Variants in RAB38 observed in about 807,000 individuals in gnomAD.
RAB38 encodes ras-related protein Rab-38.
RAB38 carries 15 observed loss-of-function variants against 18.4 expected under a neutral mutation model. That is an observed-to-expected ratio of 0.82 (90% CI 0.55 to 1.26). The LOEUF (loss-of-function observed/expected upper bound fraction) is 1.26, where lower values mean the gene tolerates loss of function less well. RAB38 is among the 50% of genes most tolerant of loss of function. RAB38 has a pLI of 0.00. For missense variants in RAB38, 294 were observed against 267.4 expected (o/e 1.10, Z -0.69); for synonymous variants, 101 against 104.4 (o/e 0.97, Z 0.20).
the RAB38 span, among the ~76,000 whole-genome samples, chr11:87,897,650 A>T: frequency 1.3e-5 from 2 of 151,636 alleles, no homozygotes; most frequent in Non-Finnish European, 3.0e-5. Context: ...TTTAAAAAAC[A>T]CCAGCCCATA....
At chr11:88,047,279 G>C in the RAB38 span, among the ~76,000 whole-genome samples, 1 of 152,042 alleles carries the variant, frequency 6.6e-6, no homozygotes, top group East Asian at 1.9e-4. Flanking sequence ...TACCACACCT[G>C]ACTCCCATGA....
chr11:88,060,563 G>A, the RAB38 span, among the ~76,000 whole-genome samples: 1 of 152,162 alleles, frequency 6.6e-6, no homozygotes, highest in African/African-American at 2.4e-5. Context: ...AGATCATAAA[G>A]CAAGTGAACA....
the RAB38 span, chr11:88,099,935 C>T: frequency 2.0e-5 from 3 of 151,690 alleles, no homozygotes; most frequent in Non-Finnish European, 4.4e-5. Flanking sequence ...TCTCATTTAA[C>T]CTGTTTAGGA....
the RAB38 span, among the ~76,000 whole-genome samples, chr11:87,834,569 G>A: frequency 6.6e-6 from 1 of 152,172 alleles, no homozygotes; most frequent in Non-Finnish European, 1.5e-5. Flanking sequence ...AAGGGTTTAG[G>A]ATTGAGAAAC....
chr11:88,023,918 C>A, the RAB38 span, among the ~76,000 whole-genome samples: 9 of 152,112 alleles, frequency 5.9e-5, no homozygotes, highest in Non-Finnish European at 1.0e-4. Flanking sequence ...ATACTGAAAT[C>A]TAAGACCTCA....
the RAB38 span, among the ~76,000 whole-genome samples, chr11:88,081,658 T>C: frequency 1.3e-5 from 2 of 151,908 alleles, no homozygotes; most frequent in Admixed American, 6.6e-5. Flanking sequence ...CTGTATTTCA[T>C]AGAAGGACAT....
At chr11:88,056,925 T>C in the RAB38 span, among the ~76,000 whole-genome samples, 1 of 152,210 alleles carries the variant, frequency 6.6e-6, no homozygotes. Context: ...AATATATTAA[T>C]GCTTATCTCC....
the RAB38 span, among the ~76,000 whole-genome samples, chr11:88,102,958 GA>G: frequency 6.6e-6 from 1 of 151,940 alleles, no homozygotes; most frequent in Non-Finnish European, 1.5e-5. Flanking sequence ...TCATTCCACA[GA>G]GTGCCCTTTC....
chr11:88,171,925 G>T (rs1943315994), intron 1 of RAB38, among the ~76,000 whole-genome samples: 1 of 152,168 alleles, frequency 6.6e-6, no homozygotes, highest in Non-Finnish European at 1.5e-5. Flanking sequence ...TTCAGAAATA[G>T]ATTTTAATTC....
At chr11:87,808,483 G>A in the RAB38 span, among the ~76,000 whole-genome samples, 185 of 152,282 alleles carry the variant, frequency 1.2e-3, 1 homozygote, top group South Asian at 4.1e-3. Context: ...TATGTGACAT[G>A]TAAAAATGTT....
chr11:87,842,173 A>G, the RAB38 span, among the ~76,000 whole-genome samples: 1 of 152,160 alleles, frequency 6.6e-6, no homozygotes, highest in African/African-American at 2.4e-5. Flanking sequence ...AGAAAAGGAA[A>G]TTTTAGCAGC....
chr11:88,073,974 T>C, the RAB38 span, among the ~76,000 whole-genome samples: 1 of 145,832 alleles, frequency 6.9e-6, no homozygotes, highest in Non-Finnish European at 1.5e-5. Context: ...TATTTGACAA[T>C]ACACAGTCAA....
the RAB38 span, among the ~76,000 whole-genome samples, chr11:88,100,432 G>T: frequency 2.6e-5 from 4 of 151,876 alleles, no homozygotes; most frequent in African/African-American, 9.7e-5. Context: ...ATGTAAGAAA[G>T]TCTTTCCGAT....
At chr11:88,126,973 C>A (rs966110267) in intron 2 of RAB38, among the ~76,000 whole-genome samples, 1 of 152,122 alleles carries the variant, frequency 6.6e-6, no homozygotes, top group African/African-American at 2.4e-5. Context: ...ATTGTTAAGT[C>A]ATATATGAGA....
chr11:88,011,181 A>G, the RAB38 span, among the ~76,000 whole-genome samples: 8 of 152,320 alleles, frequency 5.3e-5, no homozygotes, highest in East Asian at 1.5e-3. Flanking sequence ...TTCCCACTTA[A>G]TATGTGTAAG....
At chr11:88,050,722 G>C in the RAB38 span, among the ~76,000 whole-genome samples, 1 of 152,098 alleles carries the variant, frequency 6.6e-6, no homozygotes, top group African/African-American at 2.4e-5. Context: ...TCTGATTCTT[G>C]TTCCAGTTAA....
At chr11:88,046,529 T>G in the RAB38 span, among the ~76,000 whole-genome samples, 5 of 152,210 alleles carry the variant, frequency 3.3e-5, no homozygotes, top group Non-Finnish European at 7.3e-5. Context: ...CTTAGCAAAT[T>G]ACCTAGGCTG....
At chr11:87,930,584 T>A in the RAB38 span, among the ~76,000 whole-genome samples, 1 of 152,210 alleles carries the variant, frequency 6.6e-6, no homozygotes, top group East Asian at 1.9e-4. Context: ...ATCCCATTTG[T>A]CAATTTTGGC....
the RAB38 span, among the ~76,000 whole-genome samples, chr11:87,924,671 T>C: frequency 6.6e-6 from 1 of 151,966 alleles, no homozygotes; most frequent in Non-Finnish European, 1.5e-5. Flanking sequence ...TTGAGATAAC[T>C]CTTATAACAG....
Sources: gnomAD v4.1 joint callset for allele counts (sites outside exome capture counted in the v4.1 genomes callset) on GRCh38, gnomAD v4.1.1 for gene constraint, MANE v1.5 for transcripts, NCBI Gene and HGNC (gene_info 2026-07-23, HGNC 2026-07-21) for gene names.